The following GALNT2 variants were observed in gnomAD, a reference collection of about 807,000 sequenced individuals.
GALNT2 encodes the protein polypeptide N-acetylgalactosaminyltransferase 2.
Under a neutral mutation model 81.4 loss-of-function variants are expected in GALNT2, and 31 were observed. The ratio of observed to expected loss-of-function variants is 0.38; its 90% CI spans 0.29 to 0.51. The LOEUF is 0.51. Among genes scored for constraint, GALNT2 ranks in the 20% least tolerant of loss-of-function variants. The pLI is 0.87. For synonymous variants in GALNT2, 303 were observed against 287.4 expected (o/e 1.05, Z -0.55); for missense variants, 629 against 765.7 (o/e 0.82, Z 2.11).
At chr1:230,223,153 T>C (rs1435702563) in intron 3 of GALNT2, among the ~76,000 whole-genome samples, 2 of 151,822 alleles carry the variant, frequency 1.3e-5, no homozygotes, top group Non-Finnish European at 2.9e-5. Context: ...TATACCCTTA[T>C]TGACATAAAA....
At chr1:230,111,093 G>T (rs1215381477) in intron 1 of GALNT2, among the ~76,000 whole-genome samples, 4 of 152,228 alleles carry the variant, frequency 2.6e-5, no homozygotes, top group Admixed American at 6.5e-5. Flanking sequence ...GCATGTGTCT[G>T]CATTTATGTA....
At chr1:230,116,543 TA>T (rs1660854487) in intron 1 of GALNT2, among the ~76,000 whole-genome samples, 2 of 152,194 alleles carry the variant, frequency 1.3e-5, no homozygotes, top group South Asian at 4.1e-4. Context: ...ATGTATTTCT[TA>T]AACAAGACTT....
chr1:230,280,798 C>T lies in GALNT2; in HGVS notation c.*1340C>T, dbSNP rs898967898. ...AAGGGTCAGAACCAAACAATACCTGCTCATTTACACTGAGGATTCAGGGCG... is the reference window on the plus strand; with the variant it reads ...AAGGGTCAGAACCAAACAATACCTGTTCATTTACACTGAGGATTCAGGGCG... On this transcript the variant is annotated 3_prime_UTR_variant, in exon 16 of 16. Coordinates refer to ENST00000366672, the MANE Select transcript of GALNT2 (RefSeq NM_004481.5). 6.6e-6 allele frequency: 1 copy of T among 152,298 alleles called. No individual in the cohort carries two copies. The highest frequency in any genetic ancestry group is 1.5e-5 in the Non-Finnish European group (1 of 68,088). The allele number at this position is 152,298 out of a possible 1,614,324, so 9.4% of individuals were successfully genotyped here. A position where few individuals can be genotyped will look rare whatever the true frequency, so the allele number is the denominator to read the frequency against.
intron 3 of GALNT2, among the ~76,000 whole-genome samples, chr1:230,206,214 C>T (rs1282728856): frequency 6.6e-6 from 1 of 152,250 alleles, no homozygotes; most frequent in East Asian, 1.9e-4. Flanking sequence ...AGCATGTGGG[C>T]TGGCTTTCTC....
At chr1:230,096,797 G>A (rs1452001618) in intron 1 of GALNT2, among the ~76,000 whole-genome samples, 3 of 152,114 alleles carry the variant, frequency 2.0e-5, no homozygotes, top group East Asian at 1.9e-4. Context: ...AACTTAGAAG[G>A]TGCATTTTCT....
chr1:230,169,817 A>G (rs981811257), intron 1 of GALNT2, among the ~76,000 whole-genome samples: 17 of 152,248 alleles, frequency 1.1e-4, no homozygotes, highest in African/African-American at 3.9e-4. Context: ...CAAGTGGAGT[A>G]TGTATAAAGC....
chr1:230,078,278 TG>T (rs149886347), intron 1 of GALNT2, among the ~76,000 whole-genome samples: 24 of 152,024 alleles, frequency 1.6e-4, no homozygotes, highest in East Asian at 5.8e-4. Flanking sequence ...GTGTCGTATT[TG>T]GGGGGGGATC....
At chr1:230,169,656 T>C (rs1662729771) in intron 1 of GALNT2, among the ~76,000 whole-genome samples, 1 of 148,666 alleles carries the variant, frequency 6.7e-6, no homozygotes, top group African/African-American at 2.5e-5. Context: ...ATTATGCGAT[T>C]GTAGTTCACG....
chr1:230,107,542 T>G (rs138819977), intron 1 of GALNT2, among the ~76,000 whole-genome samples: 92 of 151,548 alleles, frequency 6.1e-4, no homozygotes, highest in African/African-American at 2.1e-3. Context: ...ATTGTGCCAC[T>G]GTACTCCAAC....
At chr1:230,192,580 G>A (rs1572069608) in intron 2 of GALNT2, among the ~76,000 whole-genome samples, 1 of 152,132 alleles carries the variant, frequency 6.6e-6, no homozygotes, top group East Asian at 1.9e-4. Flanking sequence ...GAAAAATGAA[G>A]AATTTTCATT....
intron 1 of GALNT2, among the ~76,000 whole-genome samples, chr1:230,061,840 G>A (rs1165917460): frequency 1.3e-5 from 2 of 152,130 alleles, no homozygotes; most frequent in Non-Finnish European, 2.9e-5. Context: ...TCTGCATGGA[G>A]TGCTTTCCAG....
At position 230,104,417 on chromosome 1, in the gene GALNT2, T is replaced by C. The variant is rs1660482121; in HGVS notation, c.126+37011T>C. ...GCCTCAAAGAGAGGCGGCTGTATTT[T>C]AGCCTGATAATCTTGATTCCTGGTT... On this transcript the variant is annotated intron_variant, in intron 1 of 15. Coordinates refer to ENST00000366672, the MANE Select transcript of GALNT2 (RefSeq NM_004481.5). Among the ~76,000 whole-genome samples, 7 of 152,320 alleles carry C rather than the reference T, an allele frequency of 4.6e-5. No individual in the cohort carries two copies. In the South Asian group the frequency reaches 1.5e-3, roughly 32 times the overall value.
At chr1:230,278,632 C>A (rs1182079473) in intron 15 of GALNT2, among the ~76,000 whole-genome samples, 2 of 152,154 alleles carry the variant, frequency 1.3e-5, no homozygotes, top group African/African-American at 4.8e-5. Context: ...TTGGTCCCTG[C>A]CATACAGAGC....
upstream of GALNT2, among the ~76,000 whole-genome samples, chr1:230,066,760 C>T (rs1371946139): frequency 6.6e-6 from 1 of 152,208 alleles, no homozygotes; most frequent in African/African-American, 2.4e-5. Flanking sequence ...AGGCCACTAC[C>T]GCCCCCGTAA....
At chr1:230,200,835 G>A (rs1015731842) in intron 2 of GALNT2, among the ~76,000 whole-genome samples, 4 of 152,168 alleles carry the variant, frequency 2.6e-5, no homozygotes, top group African/African-American at 4.8e-5. Flanking sequence ...ATGGGACTCC[G>A]TCATGGTTCT....
chr1:230,201,908 C>G (rs1663904777), intron 2 of GALNT2, among the ~76,000 whole-genome samples: 1 of 152,178 alleles, frequency 6.6e-6, no homozygotes, highest in South Asian at 2.1e-4. Flanking sequence ...AACAGGAACC[C>G]TGTACTCCCT....
chr1:230,121,358 C>G (rs937454901), intron 1 of GALNT2, among the ~76,000 whole-genome samples: 3 of 152,236 alleles, frequency 2.0e-5, no homozygotes, highest in African/African-American at 4.8e-5. Flanking sequence ...GAGGAAGCAC[C>G]AGCAGGCTTT....
intron 1 of GALNT2, among the ~76,000 whole-genome samples, chr1:230,162,044 A>T (rs1662452353): frequency 6.6e-6 from 1 of 152,196 alleles, no homozygotes; most frequent in Non-Finnish European, 1.5e-5. Context: ...TAAAAAAAAA[A>T]TCTTGGCGCT....
At chr1:230,081,985 T>C in intron 1 of GALNT2, among the ~76,000 whole-genome samples, 1 of 152,238 alleles carries the variant, frequency 6.6e-6, no homozygotes, top group East Asian at 1.9e-4. Context: ...GTGCTTGCTC[T>C]CCCTTCCTGC....
Sources: allele counts gnomAD v4.1 joint callset (sites outside exome capture counted in the v4.1 genomes callset), GRCh38; gene constraint gnomAD v4.1.1; transcripts MANE v1.5; gene names NCBI Gene and HGNC (gene_info 2026-07-23, HGNC 2026-07-21).